SIDT1: variants seen among roughly 807,000 people sequenced by gnomAD.
SIDT1 encodes the protein SID1 transmembrane family, member 1.
Under a neutral mutation model 107.5 loss-of-function variants are expected in SIDT1, and 101 were observed. The ratio of observed to expected loss-of-function variants is 0.94; its 90% CI spans 0.80 to 1.11. The LOEUF (loss-of-function observed/expected upper bound fraction) is 1.11, where lower values mean the gene tolerates loss of function less well. Among genes scored for constraint, SIDT1 ranks in the 50% least tolerant of loss-of-function variants. The probability of loss-of-function intolerance (pLI) is 0.00; values close to 1 mark genes in which losing one functional copy is unlikely to be tolerated. For synonymous variants in SIDT1, 395 were observed against 398.2 expected (o/e 0.99, Z 0.10); for missense variants, 1,076 against 1,058.2 (o/e 1.02, Z -0.23).
chr3:113,546,814 C>T (rs1365700316), intron 1 of SIDT1, among the ~76,000 whole-genome samples: 1 of 152,118 alleles, frequency 6.6e-6, no homozygotes, highest in East Asian at 1.9e-4. Flanking sequence ...AATAACCACA[C>T]AGTTTTCATG....
chr3:113,600,097 G>A (rs866117748), intron 10 of SIDT1, among the ~76,000 whole-genome samples: 4 of 152,000 alleles, frequency 2.6e-5, no homozygotes, highest in African/African-American at 4.8e-5. Flanking sequence ...ATCACTTGAG[G>A]TGGGGAGTTC....
intron 23 of SIDT1, among the ~76,000 whole-genome samples, chr3:113,624,254 T>A (rs1946688260): frequency 6.6e-6 from 1 of 152,210 alleles, no homozygotes; most frequent in Admixed American, 6.5e-5. Context: ...CAGCATTCAC[T>A]CCTCATTTCT....
At chr3:113,593,740 A>C (rs955821345) in intron 10 of SIDT1, among the ~76,000 whole-genome samples, 3 of 152,214 alleles carry the variant, frequency 2.0e-5, no homozygotes, top group African/African-American at 7.2e-5. Context: ...ACTCTGATAC[A>C]TGGTTTACTT....
In SIDT1 at chr3:113,608,551, T is replaced by G; in HGVS notation, c.1720+15T>G. The G allele has an allele frequency of 6.6e-7, 1 of 1,511,326 alleles. No individual in the cohort carries two copies. The allele number at this position is 1,511,326 out of a possible 1,614,324, so 93.6% of individuals were successfully genotyped here. On this transcript the variant is annotated intron_variant, in intron 17 of 24. Transcript: ENST00000264852. ...CTTCCAATTCGGTAATTAGAACTTA[T>G]ATCTACTATACAGATTTGAATCGTC...
intron 19 of SIDT1, 103 bp downstream of exon 19, chr3:113,612,297 G>T: frequency 1.2e-6 from 1 of 811,614 alleles, no homozygotes. Context: ...TGGTCACCGT[G>T]AACACATGCT....
At chr3:113,614,544 A>G (rs531601747) in intron 19 of SIDT1, among the ~76,000 whole-genome samples, 2 of 152,366 alleles carry the variant, frequency 1.3e-5, no homozygotes, top group African/African-American at 4.8e-5. Context: ...GACAGTGTTC[A>G]GCTGACTCCA....
intron 1 of SIDT1, among the ~76,000 whole-genome samples, chr3:113,562,998 A>G (rs775683075): frequency 3.3e-5 from 5 of 152,220 alleles, no homozygotes; most frequent in Non-Finnish European, 7.3e-5. Context: ...AAAGGGAGGG[A>G]CACCACTTAT....
In SIDT1 at chr3:113,556,821, C is replaced by CTTTTTTTTTT. The variant is rs61672960; in HGVS notation, c.223-9592_223-9583dup. 4.3e-4 allele frequency among the ~76,000 whole-genome samples: 46 copies of CTTTTTTTTTT among 107,632 alleles called. 4 individuals are homozygous for CTTTTTTTTTT. Among genetic ancestry groups the CTTTTTTTTTT allele is most frequent in the East Asian group, 1.2e-3 (4 of 3,434 alleles). The allele number at this position is 107,632 out of a possible 152,430, so 70.6% of individuals were successfully genotyped here. A position where few individuals can be genotyped will look rare whatever the true frequency, so the allele number is the denominator to read the frequency against. Reference sequence around the variant, plus strand: ...ATTGGTATGCCCTAAGTTTCTTTTTCTTTTTTTTTTTTTTTTGAAATAGAG... The same window carrying CTTTTTTTTTT: ...ATTGGTATGCCCTAAGTTTCTTTTTCTTTTTTTTTTTTTTTTTTTTTTTTTTGAAATAGAG... On this transcript the variant is annotated intron_variant, in intron 1 of 24. Transcript: ENST00000264852.
intron 10 of SIDT1, among the ~76,000 whole-genome samples, chr3:113,594,223 A>C (rs1944383299): frequency 6.6e-6 from 1 of 152,136 alleles, no homozygotes. Flanking sequence ...TAATGTCAGC[A>C]TGCCTGTTTT....
At chr3:113,605,833 G>T (rs1288546802) in intron 14 of SIDT1, among the ~76,000 whole-genome samples, 1 of 151,826 alleles carries the variant, frequency 6.6e-6, no homozygotes, top group Non-Finnish European at 1.5e-5. Flanking sequence ...GCGAAACCCT[G>T]ACTCTACCAA....
intron 10 of SIDT1, chr3:113,601,323 TA>T: frequency 3.2e-6 from 1 of 314,260 alleles, no homozygotes; most frequent in Non-Finnish European, 5.8e-6. Flanking sequence ...GTATCATTTT[TA>T]CCTGTCATGA....
chr3:113,565,414 C>T lies in SIDT1; in HGVS notation c.223-1006C>T, dbSNP rs562420012. On this transcript the variant is annotated intron_variant, in intron 1 of 24. Transcript: ENST00000264852. ...AGGCATGGTGGTGCACACCTGTAAT[C>T]CCAGCTACTTGGGAGGCTGAGGCAC... Among the ~76,000 whole-genome samples the T allele has an allele frequency of 3.3e-5, 5 of 152,116 alleles. 1 individual carries two copies. In the South Asian group the frequency reaches 6.2e-4, roughly 19 times the overall value.
At position 113,603,975 on chromosome 3, in the gene SIDT1, T is replaced by C; in HGVS notation, c.1279T>C (p.Ser427Pro). ...IIRTKMFLYL[S>P]DLSRKDRRIV... The stretch of plus-strand genomic sequence containing the variant: ...GGCATTCCAGATGTTCCTTTACCTG[T>C]CAGATTTGTCCAGGAAGGACCGGAG... The change falls in exon 13 of 25, where the codon TCA becomes CCA. Residue 427 changes from serine (S) to proline (P), a missense_variant. Transcript: ENST00000264852. 1.9e-6 allele frequency: 3 copies of C among 1,612,352 alleles called. No homozygotes were observed. The highest frequency in any genetic ancestry group is 1.7e-6 in the Non-Finnish European group (2 of 1,179,086).
intron 10 of SIDT1, among the ~76,000 whole-genome samples, chr3:113,594,146 C>G (rs776244142): frequency 1.3e-5 from 2 of 152,160 alleles, no homozygotes; most frequent in Non-Finnish European, 2.9e-5. Flanking sequence ...CCCCTACCCC[C>G]CTCCAGCAGG....
At chr3:113,579,309 T>A (rs1177549562) in intron 4 of SIDT1, among the ~76,000 whole-genome samples, 1 of 152,230 alleles carries the variant, frequency 6.6e-6, no homozygotes, top group Non-Finnish European at 1.5e-5. Flanking sequence ...GGGTGTTTAC[T>A]GCTTGCACAA....
chr3:113,591,871 C>T (rs1408474445), intron 9 of SIDT1, among the ~76,000 whole-genome samples: 1 of 152,070 alleles, frequency 6.6e-6, no homozygotes, highest in Admixed American at 6.5e-5. Flanking sequence ...CTCATGATAG[C>T]CAAAATGTGA....
intron 1 of SIDT1, among the ~76,000 whole-genome samples, chr3:113,560,269 T>C (rs988296899): frequency 1.3e-5 from 2 of 152,230 alleles, no homozygotes; most frequent in East Asian, 1.9e-4. Context: ...GCTTCCCTGA[T>C]TCCCCCTGGG....
At chr3:113,635,664 A>C in the SIDT1 span, among the ~76,000 whole-genome samples, 1 of 152,150 alleles carries the variant, frequency 6.6e-6, no homozygotes, top group South Asian at 2.1e-4. Context: ...CAGGAGATCA[A>C]GACCATCCTG....
At position 113,628,770 on chromosome 3, in the gene SIDT1, G is replaced by T. The variant is rs1401881573; in HGVS notation, c.*1062G>T. 1 of 152,248 alleles carries T rather than the reference G, an allele frequency of 6.6e-6. No individual in the cohort carries two copies. Among genetic ancestry groups the T allele is most frequent in the East Asian group, 1.9e-4 (1 of 5,202 alleles). 9.4% of individuals were successfully genotyped at this position (152,248 alleles called of 1,614,324 possible). ...AGTCCGTCATCTGTCACTTTATGTA[G>T]ATCAGGGTTCTAGACTTCTTCCCTG... On this transcript the variant is annotated 3_prime_UTR_variant, in exon 25 of 25. Coordinates refer to ENST00000264852, the MANE Select transcript of SIDT1 (RefSeq NM_017699.3).
Sources: gnomAD v4.1 joint callset for allele counts (sites outside exome capture counted in the v4.1 genomes callset) on GRCh38, gnomAD v4.1.1 for gene constraint, MANE v1.5 for transcripts, NCBI Gene and HGNC (gene_info 2026-07-23, HGNC 2026-07-21) for gene names.